Variants in NLRP14 observed in about 807,000 individuals in gnomAD.
NLRP14 encodes the protein NACHT, LRR and PYD domains-containing protein 14.
Under a neutral mutation model 94.7 loss-of-function variants are expected in NLRP14, and 105 were observed. The ratio of observed to expected loss-of-function variants is 1.11; its 90% CI spans 0.95 to 1.30. The LOEUF (loss-of-function observed/expected upper bound fraction) is 1.30. NLRP14 is among the 50% of genes most tolerant of loss of function. NLRP14 has a pLI of 0.00. For synonymous variants in NLRP14, 508 were observed against 459.9 expected, an observed-to-expected ratio of 1.10 and a Z score of -1.34; for missense variants, 1,362 against 1,254.1, an observed-to-expected ratio of 1.09 and a Z score of -1.30.
At chr11:7,089,122 T>C in the NLRP14 span, 1 of 1,613,524 alleles carries the variant, frequency 6.2e-7, no homozygotes, top group Non-Finnish European at 8.5e-7. Flanking sequence ...CCGGCAAACA[T>C]GGTTGAAGCG....
chr11:7,039,884 C>T (rs1852222009), intron 3 of NLRP14, 99 bp downstream of exon 3: 7 of 951,188 alleles, frequency 7.4e-6, no homozygotes, highest in Admixed American at 1.8e-5. Flanking sequence ...ATCTTGTTAA[C>T]TTCTTCTAAT....
At position 7,043,112 on chromosome 11, in the gene NLRP14, G is replaced by T. The variant is rs768782665; in HGVS notation, c.1086G>T (p.Leu362=). 1.9e-6 allele frequency: 3 copies of T among 1,614,044 alleles called. No homozygotes were observed. The East Asian group carries it at 6.7e-5, about 36-fold the overall frequency. ...GTTCACTAAAAAGCAATGAGATGCT[G>T]TTTAGCATGTGCCAAGTCCCCCTAG... The part of the protein sequence containing the change: ...VFSSLKSNEM[L]FSMCQVPLVC... The change falls in exon 4 of 12, where the codon CTG becomes CTT. Residue 362 remains leucine (L), a synonymous_variant. Coordinates refer to ENST00000299481, the MANE Select transcript of NLRP14 (RefSeq NM_176822.4).
intron 11 of NLRP14, among the ~76,000 whole-genome samples, chr11:7,070,826 G>C (rs952274543): frequency 2.0e-5 from 3 of 152,188 alleles, no homozygotes; most frequent in Admixed American, 6.5e-5. Context: ...TAAGTACTTA[G>C]AATGGTGCCT....
At chr11:7,051,732 C>T (rs1050465879) in intron 6 of NLRP14, among the ~76,000 whole-genome samples, 2 of 152,186 alleles carry the variant, frequency 1.3e-5, no homozygotes, top group Non-Finnish European at 2.9e-5. Flanking sequence ...AAGCGATTCT[C>T]CTGCCTCAGC....
chr11:7,043,917 A>G lies in NLRP14; in HGVS notation c.1891A>G (p.Ile631Val). ...TAAGCACTGCCGGTGTTTGCGGACCATCAGGCTGTCTGTAACTGTGGTATT... is the reference window on the plus strand; with the variant it reads ...TAAGCACTGCCGGTGTTTGCGGACCGTCAGGCTGTCTGTAACTGTGGTATT... The part of the protein sequence containing the change: ...CLKHCRCLRT[I>V]RLSVTVVFEK... Residue 631 changes from isoleucine to valine, a missense_variant, in exon 4 of 12, where the codon ATC (isoleucine) becomes GTC (valine). By Grantham distance (29) the Ile-to-Val change is conservative. Coordinates refer to ENST00000299481, the MANE Select transcript of NLRP14 (RefSeq NM_176822.4). The G allele has an allele frequency of 3.7e-6, 6 of 1,614,186 alleles. No individual in the cohort carries two copies. The highest frequency in any genetic ancestry group is 5.1e-6 in the Non-Finnish European group (6 of 1,179,998).
the NLRP14 span, among the ~76,000 whole-genome samples, chr11:7,079,789 T>C: frequency 2.0e-5 from 3 of 152,194 alleles, no homozygotes; most frequent in African/African-American, 7.2e-5. Context: ...GTTTTTATTA[T>C]CTCTAATGCA....
At chr11:7,058,189 G>A (rs1852547949) in intron 7 of NLRP14, 91 bp from the exon 8 acceptor site, 3 of 1,022,904 alleles carry the variant, frequency 2.9e-6, no homozygotes, top group Admixed American at 1.7e-5. Flanking sequence ...GAGGTATGGG[G>A]GTTATAAGTG....
intron 1 of NLRP14, among the ~76,000 whole-genome samples, chr11:7,025,729 A>T (rs1326091183): frequency 6.6e-6 from 1 of 152,198 alleles, no homozygotes; most frequent in Non-Finnish European, 1.5e-5. Context: ...TAAGAACTAA[A>T]GAAAGAGATT....
chr11:7,060,997 C>T lies in NLRP14; in HGVS notation c.2804+933C>T, dbSNP rs1460844549. Among the ~76,000 whole-genome samples, 7 of 152,050 alleles carry T rather than the reference C, an allele frequency of 4.6e-5. No homozygotes were observed. In the East Asian group the frequency reaches 7.7e-4, roughly 17 times the overall value. ...AAACAGAGGCGTCACTTAGCAACCT[C>T]AGCTCACTTTCCTACCAGGGCCTCC... On this transcript the variant is annotated intron_variant, in intron 9 of 11. Coordinates refer to ENST00000299481, the MANE Select transcript of NLRP14 (RefSeq NM_176822.4).
intron 1 of NLRP14, among the ~76,000 whole-genome samples, chr11:7,024,768 G>GA (rs1851991589): frequency 1.0e-5 from 1 of 99,796 alleles, no homozygotes; most frequent in Non-Finnish European, 2.2e-5. Flanking sequence ...AGTAAAATGT[G>GA]AAAAAAGTAT....
intron 4 of NLRP14, among the ~76,000 whole-genome samples, chr11:7,046,131 C>T (rs1341121705): frequency 6.6e-6 from 1 of 152,094 alleles, no homozygotes; most frequent in Non-Finnish European, 1.5e-5. Context: ...TTAAAATGCA[C>T]TATTAAATTT....
At chr11:7,049,573 T>C in intron 5 of NLRP14, 98 bp from the exon 6 acceptor site, 1 of 867,142 alleles carries the variant, frequency 1.2e-6, no homozygotes, top group Non-Finnish European at 1.9e-6. Context: ...TAAAAGAATA[T>C]TCATGTAATA....
rs143136443 is a variant in NLRP14, at chr11:7,054,259, A to G, written c.2292-3418A>G. On this transcript the variant is annotated intron_variant, in intron 6 of 11. Transcript: ENST00000299481. The stretch of plus-strand genomic sequence containing the variant: ...TCTTGGCTATTGTGAATAGTGCTGC[A>G]GTAAACATGGGAGTGCAGGTATCTC... Among the ~76,000 whole-genome samples the G allele has an allele frequency of 2.1e-3, 320 of 152,290 alleles. 4 individuals are homozygous for G. The highest frequency in any genetic ancestry group is 7.2e-3 in the African/African-American group (299 of 41,584).
intron 6 of NLRP14, 38 bp from the exon 7 acceptor site, chr11:7,057,639 A>AGG: frequency 6.3e-7 from 1 of 1,586,174 alleles, no homozygotes; most frequent in Middle Eastern, 1.7e-4. Flanking sequence ...TTATTCTCTA[A>AGG]GGAGTGGTCA....
intron 3 of NLRP14, 141 bp downstream of exon 3, chr11:7,039,926 AG>A (rs1852223253): frequency 4.0e-6 from 3 of 740,880 alleles, no homozygotes. Flanking sequence ...TCACCCAAAA[AG>A]GATCAGCAAA....
chr11:7,045,713 A>C (rs1852337256), intron 4 of NLRP14, among the ~76,000 whole-genome samples: 1 of 151,986 alleles, frequency 6.6e-6, no homozygotes, highest in South Asian at 2.1e-4. Flanking sequence ...ATAAGGCAAC[A>C]CACTAGACTT....
At chr11:7,025,422 C>A (rs1036951854) in intron 1 of NLRP14, among the ~76,000 whole-genome samples, 12 of 151,974 alleles carry the variant, frequency 7.9e-5, no homozygotes, top group Admixed American at 4.6e-4. Context: ...AGAAAGTACT[C>A]CAAACAAATA....
At chr11:7,029,541 C>G (rs1045371815) in intron 1 of NLRP14, among the ~76,000 whole-genome samples, 1 of 152,194 alleles carries the variant, frequency 6.6e-6, no homozygotes, top group African/African-American at 2.4e-5. Context: ...CTCAGCAAAC[C>G]TGTGGGCACA....
chr11:7,052,247 G>A (rs1289901083), intron 6 of NLRP14, among the ~76,000 whole-genome samples: 1 of 152,102 alleles, frequency 6.6e-6, no homozygotes, highest in African/African-American at 2.4e-5. Flanking sequence ...CCACCTGAAG[G>A]GTACCAAAAT....
Sources: allele counts gnomAD v4.1 joint callset (sites outside exome capture counted in the v4.1 genomes callset), GRCh38; gene constraint gnomAD v4.1.1; transcripts MANE v1.5; gene names NCBI Gene and HGNC (gene_info 2026-07-23, HGNC 2026-07-21).